The following CDH6 variants were observed in gnomAD, a reference collection of about 807,000 sequenced individuals.
CDH6 encodes the protein cadherin-6.
A neutral mutation model predicts 78.0 loss-of-function variants in CDH6; 31 were observed. That is an observed-to-expected ratio of 0.40 (90% confidence interval 0.30 to 0.54). CDH6 has a LOEUF of 0.54. Among genes scored for constraint, CDH6 ranks in the 20% least tolerant of loss-of-function variants. The pLI is 0.56. For missense variants in CDH6, 724 were observed against 975.9 expected (o/e 0.74, Z 3.44); for synonymous variants, 376 against 368.8 (o/e 1.02, Z -0.23).
At chr5:31,220,745 C>T (rs1307129570) in intron 1 of CDH6, among the ~76,000 whole-genome samples, 1 of 152,068 alleles carries the variant, frequency 6.6e-6, no homozygotes, top group Non-Finnish European at 1.5e-5. Flanking sequence ...AAAGCCTCTT[C>T]GTAACAGTGA....
chr5:31,254,776 A>G lies in CDH6; in HGVS notation c.-128-12570A>G, dbSNP rs372832639. Among the ~76,000 whole-genome samples, 22 of 152,354 alleles carry G rather than the reference A, an allele frequency of 1.4e-4. No homozygotes were observed. In the East Asian group the frequency reaches 4.2e-3, roughly 29 times the overall value. On this transcript the variant is annotated intron_variant, in intron 1 of 11. Transcript: ENST00000265071. ...TGATATTTTTTCTTCGGATTTTTTC[A>G]TAAAGCTACAGAGATAACCGGATGT... is the stretch of plus-strand genomic sequence containing the variant.
At chr5:31,197,013 A>T (rs1386646319) in intron 1 of CDH6, among the ~76,000 whole-genome samples, 1 of 152,144 alleles carries the variant, frequency 6.6e-6, no homozygotes, top group Admixed American at 6.5e-5. Flanking sequence ...AAAAAGTGCA[A>T]TGACTGTTTC....
chr5:31,213,138 CAT>C (rs1740761661), intron 1 of CDH6, among the ~76,000 whole-genome samples: 1 of 152,072 alleles, frequency 6.6e-6, no homozygotes, highest in African/African-American at 2.4e-5. Context: ...AATCTGAAAA[CAT>C]AGATGCAAGC....
Position 31,267,771 on chromosome 5 carries a change from G to A in CDH6, c.228+70G>A, listed in dbSNP as rs1354794260. ...AAGAAGTTACTTCTAATAAATAGAT[G>A]GGGAGGATGTGTACTATTCCCCAAT... On this transcript the variant is annotated intron_variant, in intron 2 of 11. Transcript: ENST00000265071. The A allele has an allele frequency of 3.5e-6, 4 of 1,135,664 alleles. No individual in the cohort carries two copies. The African/African-American group carries it at 6.1e-5, about 17-fold the overall frequency. 70.3% of individuals were successfully genotyped at this position (1,135,664 alleles called of 1,614,324 possible).
intron 1 of CDH6, among the ~76,000 whole-genome samples, chr5:31,252,896 C>T (rs750580520): frequency 6.6e-6 from 1 of 152,064 alleles, no homozygotes. Context: ...ATATTAAAAT[C>T]AGTACTGGCT....
At position 31,270,115 on chromosome 5, in the gene CDH6, T is replaced by C. The variant is rs540807182; in HGVS notation, c.228+2414T>C. On this transcript the variant is annotated intron_variant, in intron 2 of 11. Coordinates refer to ENST00000265071, the MANE Select transcript of CDH6 (RefSeq NM_004932.4). ...ATAAAGGAGAGAGTTGCCCCTCATT[T>C]GTGGCCACAAGTTGGTCCACCTTTA... 2.0e-5 allele frequency among the ~76,000 whole-genome samples: 3 copies of C among 152,362 alleles called. No individual in the cohort carries two copies. In the East Asian group the frequency reaches 5.8e-4, roughly 29 times the overall value.
At chr5:31,320,896 TTGAACC>T (rs1738461444) in intron 11 of CDH6, among the ~76,000 whole-genome samples, 2 of 151,800 alleles carry the variant, frequency 1.3e-5, no homozygotes, top group African/African-American at 2.4e-5. Flanking sequence ...GGAGAATTGC[TTGAACC>T]TGGGAAGCAG....
At chr5:31,319,477 AT>A (rs1459556925) in intron 11 of CDH6, among the ~76,000 whole-genome samples, 2 of 152,238 alleles carry the variant, frequency 1.3e-5, no homozygotes, top group Non-Finnish European at 2.9e-5. Flanking sequence ...TTGGTGTATA[AT>A]TATCTGTACC....
chr5:31,299,375 G>T, intron 4 of CDH6, 89 bp from the exon 5 acceptor site: 2 of 1,001,448 alleles, frequency 2.0e-6, no homozygotes, highest in South Asian at 3.2e-5. Flanking sequence ...GCATATTGTG[G>T]GTGACAGTTT....
intron 6 of CDH6, among the ~76,000 whole-genome samples, chr5:31,302,800 GAAAGAAAGAAAGAAAGAA>G (rs1737825085): frequency 3.3e-5 from 2 of 59,752 alleles, no homozygotes; most frequent in African/African-American, 1.5e-4. Flanking sequence ...GAGAGAGAGA[GAAAGAAAGAAAGAAAGAA>G]AGAAAGAAAG....
intron 2 of CDH6, among the ~76,000 whole-genome samples, chr5:31,278,341 C>T (rs1465629335): frequency 6.6e-6 from 1 of 152,100 alleles, no homozygotes; most frequent in Non-Finnish European, 1.5e-5. Flanking sequence ...ACTCAAGCTT[C>T]CTTAGTGCAA....
rs1484062747 is a variant in CDH6, at chr5:31,325,864, G to A, written c.*2556G>A. On this transcript the variant is annotated 3_prime_UTR_variant, in exon 12 of 12. Transcript: ENST00000265071. ...CTGGGGCTAAATATTTAGTACCAGG[G>A]TACTGTAAGTATCAAGTTGGAGTGA... is the stretch of plus-strand genomic sequence containing the variant. 8.6e-6 allele frequency: 2 copies of A among 231,528 alleles called. No homozygotes were observed. The highest frequency in any genetic ancestry group is 5.6e-5 in the Admixed American group (1 of 17,716). 14.3% of individuals were successfully genotyped at this position (231,528 alleles called of 1,614,324 possible).
intron 2 of CDH6, among the ~76,000 whole-genome samples, chr5:31,276,873 G>A (rs1742713379): frequency 6.6e-6 from 1 of 152,192 alleles, no homozygotes; most frequent in South Asian, 2.1e-4. Context: ...AAAAGGCTTA[G>A]AACGGGGCCC....
chr5:31,258,625 T>C (rs1393979844), intron 1 of CDH6, among the ~76,000 whole-genome samples: 1 of 151,968 alleles, frequency 6.6e-6, no homozygotes, highest in African/African-American at 2.4e-5. Flanking sequence ...ACCCCAGAAC[T>C]TAAAGTATAA....
chr5:31,246,752 T>C (rs547179581), intron 1 of CDH6, among the ~76,000 whole-genome samples: 3 of 152,252 alleles, frequency 2.0e-5, no homozygotes, highest in Admixed American at 6.5e-5. Flanking sequence ...TTTGTTCTGT[T>C]GTTTTGTTTT....
intron 1 of CDH6, among the ~76,000 whole-genome samples, chr5:31,248,023 G>A (rs981946365): frequency 6.6e-6 from 1 of 152,138 alleles, no homozygotes; most frequent in Non-Finnish European, 1.5e-5. Context: ...CTAAAAACCT[G>A]TCTTATGTAA....
chr5:31,317,876 A>G lies in CDH6; in HGVS notation c.1834A>G (p.Ser612Gly), dbSNP rs1738370750. 2 of 1,614,026 alleles carry G rather than the reference A, an allele frequency of 1.2e-6. No homozygotes were observed. Among genetic ancestry groups the G allele is most frequent in the Non-Finnish European group, 1.7e-6 (2 of 1,180,002 alleles). The change falls in exon 11 of 12, where the codon AGC (serine) becomes GGC (glycine). Residue 612 changes from serine to glycine, a missense_variant. Physicochemically the swap from Ser to Gly is moderately conservative, Grantham distance 56. Transcript: ENST00000265071. Reference protein sequence around the residue: ...AEALIHPTGLSTGALVAILLC... With the variant: ...AEALIHPTGLGTGALVAILLC... ...GGCGCTCATCCACCCCACGGGACTG[A>G]GCACGGGGGCTCTGGTTGCCATCCT...
rs766683610 is a variant in CDH6 at position 31,305,306 on chromosome 5, G to C, written c.1132G>C (p.Asp378His). ...ATVRIVVEDV[D>H]EPPVFSKLAY... Reference sequence around the variant, plus strand: ...GGTTAGAATTGTGGTGGAGGATGTAGATGAGCCACCTGTCTTCAGCAAACT... The same window carrying C: ...GGTTAGAATTGTGGTGGAGGATGTACATGAGCCACCTGTCTTCAGCAAACT... The change falls in exon 7 of 12, where the codon GAT becomes CAT. Residue 378 changes from aspartate to histidine, a missense_variant. By Grantham distance (81) the Asp-to-His change is moderately conservative (BLOSUM62 -1). Transcript: ENST00000265071. 1 of 1,614,010 alleles carries C rather than the reference G, an allele frequency of 6.2e-7. No homozygotes were observed. Among genetic ancestry groups the C allele is most frequent in the Non-Finnish European group, 8.5e-7 (1 of 1,180,034 alleles).
At chr5:31,262,960 G>GT (rs1030230730) in intron 1 of CDH6, among the ~76,000 whole-genome samples, 1 of 151,976 alleles carries the variant, frequency 6.6e-6, no homozygotes, top group African/African-American at 2.4e-5. Context: ...TAAGAATCCT[G>GT]TTTTTTGCAT....
Sources: allele counts gnomAD v4.1 joint callset (sites outside exome capture counted in the v4.1 genomes callset), GRCh38; gene constraint gnomAD v4.1.1; transcripts MANE v1.5; gene names NCBI Gene and HGNC (gene_info 2026-07-23, HGNC 2026-07-21).